Variants in KCNN3 observed in about 807,000 individuals in gnomAD.
KCNN3 encodes the protein potassium calcium-activated channel subfamily N member 3.
KCNN3 carries 16 observed loss-of-function variants against 62.9 expected under a neutral mutation model. The ratio of observed to expected loss-of-function variants is 0.25; its 90% CI spans 0.17 to 0.39. KCNN3 has a LOEUF of 0.39. KCNN3 is among the 10% of genes least tolerant of loss of function. The probability of loss-of-function intolerance (pLI) is 1.00; values close to 1 mark genes in which losing one functional copy is unlikely to be tolerated. For missense variants in KCNN3, 599 were observed against 949.4 expected (o/e 0.63, Z 4.85); for synonymous variants, 370 against 389.2 (o/e 0.95, Z 0.58).
At chr1:154,822,487 T>A (rs964511330) in intron 1 of KCNN3, among the ~76,000 whole-genome samples, 1 of 152,234 alleles carries the variant, frequency 6.6e-6, no homozygotes, top group Admixed American at 6.5e-5. Flanking sequence ...CACGGCTAGA[T>A]TCAGTTTGCT....
intron 1 of KCNN3, among the ~76,000 whole-genome samples, chr1:154,827,977 A>G (rs1391515642): frequency 6.6e-6 from 1 of 152,106 alleles, no homozygotes; most frequent in East Asian, 1.9e-4. Context: ...TCTCTCTCCC[A>G]GGACTGTCCA....
At chr1:154,747,144 A>C (rs187538892) in intron 3 of KCNN3, among the ~76,000 whole-genome samples, 1 of 152,070 alleles carries the variant, frequency 6.6e-6, no homozygotes, top group African/African-American at 2.4e-5. Flanking sequence ...ATCACTCCAC[A>C]TCCAGTGAGT....
chr1:154,848,388 C>T (rs1652167444), intron 1 of KCNN3, among the ~76,000 whole-genome samples: 1 of 152,180 alleles, frequency 6.6e-6, no homozygotes, highest in African/African-American at 2.4e-5. Context: ...CTTCATTCCT[C>T]CTTTTCACAA....
In KCNN3 at chr1:154,819,213, G is replaced by A. The variant is rs558574134; in HGVS notation, c.1029+2876C>T. On this transcript the variant is annotated intron_variant, in intron 2 of 7. Transcript: ENST00000271915. ...CCTCCACTCGCAGGAAGCAGGTTCC[G>A]CAGCTGGCTGAGCAGCCAGATCTAA... 2.6e-5 allele frequency among the ~76,000 whole-genome samples: 4 copies of A among 152,268 alleles called. No homozygotes were observed. The South Asian group carries it at 6.2e-4, about 24-fold the overall frequency.
chr1:154,714,092 GGTGT>G lies in KCNN3; in HGVS notation c.1830-563_1830-560del, dbSNP rs1187244340. Among the ~76,000 whole-genome samples the G allele has an allele frequency of 2.9e-5, 3 of 105,114 alleles. No homozygotes were observed. In the East Asian group the frequency reaches 1.0e-3, roughly 36 times the overall value. The allele number at this position is 105,114 out of a possible 152,430, so 69.0% of individuals were successfully genotyped here. A position where few individuals can be genotyped will look rare whatever the true frequency, so the allele number is the denominator to read the frequency against. Reference sequence around the variant, plus strand: ...GTGTTTGTGTGTGGTGTTTGTGTGTGGTGTGTATGGTGTGTGTGATGTGGTGTGT... The same window carrying G: ...GTGTTTGTGTGTGGTGTTTGTGTGTGGTATGGTGTGTGTGATGTGGTGTGT... On this transcript the variant is annotated intron_variant, in intron 6 of 7. Coordinates refer to ENST00000271915, the MANE Select transcript of KCNN3 (RefSeq NM_002249.6).
chr1:154,785,088 C>T (rs1649221413), intron 2 of KCNN3, among the ~76,000 whole-genome samples: 1 of 152,204 alleles, frequency 6.6e-6, no homozygotes, highest in Admixed American at 6.5e-5. Flanking sequence ...TTCTGTGCAT[C>T]TGCTAAGTCT....
chr1:154,756,169 A>AGAAGAAG (rs1400577604), intron 3 of KCNN3, among the ~76,000 whole-genome samples: 1 of 112,576 alleles, frequency 8.9e-6, no homozygotes, highest in Non-Finnish European at 1.8e-5. Context: ...GAAGAAGAAG[A>AGAAGAAG]GAAGAAGAGG....
chr1:154,854,587 G>A (rs935331462), intron 1 of KCNN3, among the ~76,000 whole-genome samples: 8 of 152,042 alleles, frequency 5.3e-5, no homozygotes, highest in East Asian at 1.9e-4. Context: ...ATGTAAATTC[G>A]TGACAGCAAA....
chr1:154,837,423 A>G (rs1186100483), intron 1 of KCNN3, among the ~76,000 whole-genome samples: 1 of 152,114 alleles, frequency 6.6e-6, no homozygotes, highest in Non-Finnish European at 1.5e-5. Context: ...GATTACAGGC[A>G]TGAGCCACCG....
At chr1:154,807,379 AC>A (rs1428432967) in intron 2 of KCNN3, among the ~76,000 whole-genome samples, 1 of 152,138 alleles carries the variant, frequency 6.6e-6, no homozygotes, top group African/African-American at 2.4e-5. Flanking sequence ...AGCTCCTCCT[AC>A]CTGCCCCCGC....
At position 154,700,830 on chromosome 1, in the gene KCNN3, AAG is replaced by A. The variant is rs1699838644; in HGVS notation, c.*7144_*7145del. The A allele has an allele frequency of 6.6e-6, 1 of 152,142 alleles. No homozygotes were observed. Among genetic ancestry groups the A allele is most frequent in the Admixed American group, 6.5e-5 (1 of 15,280 alleles). 9.4% of individuals were successfully genotyped at this position (152,142 alleles called of 1,614,324 possible). On this transcript the variant is annotated 3_prime_UTR_variant, in exon 8 of 8. Transcript: ENST00000271915. The stretch of plus-strand genomic sequence containing the variant: ...AATAATAATAATAATAATTTTAAAA[AAG>A]AAAAAATCATTTAGTAGCAAAAAAA...
At chr1:154,861,169 G>A (rs1652756197) in intron 1 of KCNN3, among the ~76,000 whole-genome samples, 1 of 151,982 alleles carries the variant, frequency 6.6e-6, no homozygotes, top group African/African-American at 2.4e-5. Context: ...TGGCCAGGCT[G>A]GTCTCGAGCT....
At chr1:154,867,977 G>A (rs1039547093) in intron 1 of KCNN3, 2 of 985,248 alleles carry the variant, frequency 2.0e-6, no homozygotes, top group Non-Finnish European at 2.4e-6. Context: ...CCTCTGGGAG[G>A]GAAACCCCCT....
Position 154,707,918 on chromosome 1 carries a change from G to T in KCNN3, c.*58C>A. The T allele has an allele frequency of 6.5e-7, 1 of 1,547,968 alleles. No homozygotes were observed. The highest frequency in any genetic ancestry group is 1.2e-5 in the South Asian group (1 of 84,054). On this transcript the variant is annotated 3_prime_UTR_variant, in exon 8 of 8. Coordinates refer to ENST00000271915, the MANE Select transcript of KCNN3 (RefSeq NM_002249.6). ...TTTCTTGATGGCAAAGCGACCAGGA[G>T]AGAGTTGATTTGCATCTTAAGACCT...
intron 5 of KCNN3, among the ~76,000 whole-genome samples, 175 bp downstream of exon 5, chr1:154,725,741 C>T (rs1700449019): frequency 6.6e-6 from 1 of 152,044 alleles, no homozygotes; most frequent in East Asian, 1.9e-4. Context: ...GATGGGGTTT[C>T]AACGTATTAG....
At chr1:154,737,597 T>C (rs1294281744) in intron 3 of KCNN3, among the ~76,000 whole-genome samples, 2 of 151,670 alleles carry the variant, frequency 1.3e-5, no homozygotes, top group Non-Finnish European at 2.9e-5. Flanking sequence ...CAGAGAGAAC[T>C]CTTGAAGGAA....
intron 2 of KCNN3, among the ~76,000 whole-genome samples, chr1:154,800,132 G>A (rs531868059): frequency 6.6e-6 from 1 of 152,310 alleles, no homozygotes; most frequent in African/African-American, 2.4e-5. Flanking sequence ...CATTGTCATT[G>A]TGCTGTTGTG....
chr1:154,716,230 T>G (rs977982216), intron 5 of KCNN3, among the ~76,000 whole-genome samples: 8 of 152,230 alleles, frequency 5.3e-5, no homozygotes, highest in Non-Finnish European at 2.9e-5. Context: ...CACAGACATC[T>G]TCAGCAATTA....
intron 2 of KCNN3, among the ~76,000 whole-genome samples, chr1:154,808,460 G>A (rs1216655802): frequency 6.6e-6 from 1 of 152,122 alleles, no homozygotes; most frequent in Non-Finnish European, 1.5e-5. Context: ...TTCCCATCTA[G>A]GTGGAACTGT....
Sources: gnomAD v4.1 joint callset for allele counts (sites outside exome capture counted in the v4.1 genomes callset) on GRCh38, gnomAD v4.1.1 for gene constraint, MANE v1.5 for transcripts, NCBI Gene and HGNC (gene_info 2026-07-23, HGNC 2026-07-21) for gene names.